The following CTIF variants were observed in gnomAD, a reference collection of about 807,000 sequenced individuals.
CTIF encodes the protein cap binding complex dependent translation initiation factor, also known as CBP80/20-dependent translation initiation factor.
A neutral mutation model predicts 66.0 loss-of-function variants in CTIF; 21 were observed. That is an observed-to-expected ratio of 0.32 (90% CI 0.23 to 0.46). CTIF has a LOEUF of 0.46. Ranked by LOEUF, CTIF falls within the 20% of genes least tolerant of loss-of-function variation. The pLI, the probability that CTIF is intolerant of heterozygous loss-of-function variation, is 1.00. For synonymous variants in CTIF, 345 were observed against 326.4 expected (o/e 1.06, Z -0.62); for missense variants, 739 against 812.7 (o/e 0.91, Z 1.10).
intron 1 of CTIF, among the ~76,000 whole-genome samples, chr18:48,593,247 G>A (rs542776364): frequency 4.4e-4 from 67 of 152,294 alleles, no homozygotes; most frequent in Non-Finnish European, 6.2e-4. Context: ...CAACACCTCC[G>A]CTGGGATTCT....
At chr18:48,851,218 G>A (rs2069193315) in intron 10 of CTIF, among the ~76,000 whole-genome samples, 2 of 152,238 alleles carry the variant, frequency 1.3e-5, no homozygotes, top group Non-Finnish European at 1.5e-5. Context: ...TGCCTGCGGG[G>A]AGTTTGGGCG....
rs34544217 is a variant in CTIF, at chr18:48,604,168, G to GTTTTT, written c.-28-15348_-28-15344dup. Among the ~76,000 whole-genome samples the GTTTTT allele has an allele frequency of 8.5e-4, 54 of 63,284 alleles. 5 individuals carry two copies. Among genetic ancestry groups the GTTTTT allele is most frequent in the East Asian group, 1.6e-3 (3 of 1,820 alleles). The allele number at this position is 63,284 out of a possible 152,430, so 41.5% of individuals were successfully genotyped here. On this transcript the variant is annotated intron_variant, in intron 1 of 11. Transcript: ENST00000256413. Reference sequence around the variant, plus strand: ...TGACTCCGTGATTTTTTTTTTAAGGGTTTTTTTTTTTTTTTTTTTTTTTTT... The same window carrying GTTTTT: ...TGACTCCGTGATTTTTTTTTTAAGGGTTTTTTTTTTTTTTTTTTTTTTTTTTTTTT...
At chr18:48,798,207 G>A (rs1006001231) in intron 9 of CTIF, among the ~76,000 whole-genome samples, 3 of 152,204 alleles carry the variant, frequency 2.0e-5, no homozygotes, top group African/African-American at 7.2e-5. Context: ...AAACGCAGTT[G>A]AATTATCTGT....
At chr18:48,600,674 G>A (rs928800132) in intron 1 of CTIF, among the ~76,000 whole-genome samples, 8 of 152,060 alleles carry the variant, frequency 5.3e-5, no homozygotes, top group South Asian at 4.2e-4. Context: ...ATATCTCGGT[G>A]TCCCCAGCTC....
chr18:48,735,097 G>GTC (rs1491247410), intron 7 of CTIF, among the ~76,000 whole-genome samples: 2 of 70,562 alleles, frequency 2.8e-5, no homozygotes. Flanking sequence ...GTTTGTGTGC[G>GTC]TGTGTGTGTG....
chr18:48,608,225 T>C (rs1336680624), intron 1 of CTIF, among the ~76,000 whole-genome samples: 1 of 152,218 alleles, frequency 6.6e-6, no homozygotes, highest in East Asian at 1.9e-4. Context: ...GGGACAGCAC[T>C]TCTTAGCTCT....
At chr18:48,781,622 A>AGCAG (rs1911232560) in intron 9 of CTIF, among the ~76,000 whole-genome samples, 1 of 152,158 alleles carries the variant, frequency 6.6e-6, no homozygotes, top group South Asian at 2.1e-4. Flanking sequence ...TGGAGCCAGC[A>AGCAG]GCAGGGTTCA....
At chr18:48,653,964 C>G (rs1230012010) in intron 3 of CTIF, among the ~76,000 whole-genome samples, 1 of 152,156 alleles carries the variant, frequency 6.6e-6, no homozygotes, top group Non-Finnish European at 1.5e-5. Context: ...ACACCTTATA[C>G]AAAAATTAAT....
intron 1 of CTIF, among the ~76,000 whole-genome samples, chr18:48,561,036 C>T (rs952513415): frequency 1.3e-5 from 2 of 151,956 alleles, no homozygotes; most frequent in Non-Finnish European, 2.9e-5. Flanking sequence ...GTCAGGAGTT[C>T]GAGACCAGCC....
At chr18:48,720,843 T>C (rs1464587742) in intron 7 of CTIF, among the ~76,000 whole-genome samples, 1 of 151,978 alleles carries the variant, frequency 6.6e-6, no homozygotes. Context: ...CTGCAGAGAG[T>C]GGCCCTGTTG....
At chr18:48,588,571 T>C (rs1352436229) in intron 1 of CTIF, among the ~76,000 whole-genome samples, 1 of 152,196 alleles carries the variant, frequency 6.6e-6, no homozygotes, top group Non-Finnish European at 1.5e-5. Flanking sequence ...CATGGCATCC[T>C]GCCTCTCCTG....
At chr18:48,776,279 G>A (rs1910664410) in intron 9 of CTIF, among the ~76,000 whole-genome samples, 1 of 152,212 alleles carries the variant, frequency 6.6e-6, no homozygotes, top group Non-Finnish European at 1.5e-5. Flanking sequence ...CCCTCTTTGT[G>A]CACCAGCTGC....
chr18:48,698,531 T>A (rs191320218), intron 6 of CTIF, among the ~76,000 whole-genome samples: 1 of 152,198 alleles, frequency 6.6e-6, no homozygotes, highest in Non-Finnish European at 1.5e-5. Flanking sequence ...CATTTTTAAA[T>A]TTACTGGTTT....
At chr18:48,684,061 A>G (rs560825707) in intron 6 of CTIF, among the ~76,000 whole-genome samples, 1 of 152,344 alleles carries the variant, frequency 6.6e-6, no homozygotes, top group Admixed American at 6.5e-5. Context: ...TAAGGTGACT[A>G]TTGGAGCAAA....
chr18:48,758,332 G>A lies in CTIF; in HGVS notation c.998G>A (p.Arg333His), dbSNP rs199954321. Residue 333 changes from arginine (R) to histidine (H), a missense_variant, in exon 8 of 12, where the codon CGC becomes CAC. By Grantham distance (29) the Arg-to-His change is conservative (BLOSUM62 0). Coordinates refer to ENST00000256413, the MANE Select transcript of CTIF (RefSeq NM_014772.3). ...TKRKDSILPERIGERPKITLL... is the reference protein window; with the variant it reads ...TKRKDSILPEHIGERPKITLL... ...CGTAAAGACAGTATTCTTCCCGAGC[G>A]CATCGGGGAGCGGCCCAAAATTACC... 1.2e-5 allele frequency: 20 copies of A among 1,612,256 alleles called. No homozygotes were observed. The highest frequency in any genetic ancestry group is 3.3e-5 in the Admixed American group (2 of 59,928).
intron 7 of CTIF, among the ~76,000 whole-genome samples, chr18:48,755,233 CAA>C (rs748380611): frequency 1.3e-5 from 2 of 152,182 alleles, no homozygotes; most frequent in Non-Finnish European, 2.9e-5. Flanking sequence ...ATTGAAAGAA[CAA>C]AGAGAATGGA....
intron 7 of CTIF, among the ~76,000 whole-genome samples, chr18:48,731,844 A>G (rs894526602): frequency 2.0e-5 from 3 of 152,252 alleles, no homozygotes; most frequent in African/African-American, 7.2e-5. Flanking sequence ...ACAAAGGACC[A>G]GAGAATAAAT....
chr18:48,719,062 G>GC (rs1315625650), intron 7 of CTIF, among the ~76,000 whole-genome samples: 1 of 152,154 alleles, frequency 6.6e-6, no homozygotes, highest in Non-Finnish European at 1.5e-5. Flanking sequence ...TACGCTGTCT[G>GC]CCCCATCAGT....
intron 5 of CTIF, among the ~76,000 whole-genome samples, chr18:48,664,811 C>T (rs12607981): frequency 1.3e-5 from 2 of 151,950 alleles, no homozygotes; most frequent in African/African-American, 2.4e-5. Flanking sequence ...CAGTAATCCA[C>T]GCCAGCGCAG....
Sources: gnomAD v4.1 joint callset for allele counts (sites outside exome capture counted in the v4.1 genomes callset) on GRCh38, gnomAD v4.1.1 for gene constraint, MANE v1.5 for transcripts, NCBI Gene and HGNC (gene_info 2026-07-23, HGNC 2026-07-21) for gene names.